NFATC2: variants seen among roughly 807,000 people sequenced by gnomAD.
NFATC2 encodes nuclear factor of activated T-cells, cytoplasmic 2.
Under a neutral mutation model 87.3 loss-of-function variants are expected in NFATC2, and 22 were observed. That is an observed-to-expected ratio of 0.25 (90% CI 0.18 to 0.36). NFATC2 has a LOEUF of 0.36. NFATC2 is among the 10% of genes least tolerant of loss of function. The pLI is 1.00. For synonymous variants in NFATC2, 565 were observed against 542.2 expected (o/e 1.04, Z -0.58); for missense variants, 1,149 against 1,259.1 (o/e 0.91, Z 1.32).
rs1455730776 is a variant in NFATC2 at position 51,516,856 on chromosome 20, G to A, written c.1260C>T (p.His420=). ...TGCCTTCTGTCTCATAGTGGGCCCG[G>A]TGATGTGGCTTGGGCTGCACCTCGA... The part of the protein sequence containing the change: ...LRIEVQPKPH[H]RAHYETEGSR... The change falls in exon 3 of 11, where the codon CAC becomes CAT. Residue 420 remains histidine (H), a synonymous_variant. Transcript: ENST00000371564. 6.2e-7 allele frequency: 1 copy of A among 1,614,064 alleles called. No individual in the cohort carries two copies. The highest frequency in any genetic ancestry group is 2.2e-5 in the East Asian group (1 of 44,898).
At chr20:51,491,912 A>G (rs2075895827) in intron 3 of NFATC2, among the ~76,000 whole-genome samples, 1 of 108,924 alleles carries the variant, frequency 9.2e-6, no homozygotes, top group Non-Finnish European at 1.8e-5. Context: ...ACACACACAC[A>G]CACACACCCC....
At chr20:51,439,557 C>T (rs1359424348) in intron 6 of NFATC2, among the ~76,000 whole-genome samples, 1 of 152,254 alleles carries the variant, frequency 6.6e-6, no homozygotes, top group African/African-American at 2.4e-5. Context: ...CCACATCCCA[C>T]AGCCTCCCCA....
intron 2 of NFATC2, among the ~76,000 whole-genome samples, chr20:51,520,681 A>G (rs981193232): frequency 6.6e-6 from 1 of 151,002 alleles, no homozygotes; most frequent in African/African-American, 2.4e-5. Flanking sequence ...TATTTTTTTG[A>G]GACAATTTTA....
chr20:51,516,895 A>C lies in NFATC2; in HGVS notation c.1221T>G (p.Ser407=). 6.2e-7 allele frequency: 1 copy of C among 1,614,208 alleles called. No homozygotes were observed. Among genetic ancestry groups the C allele is most frequent in the Non-Finnish European group, 8.5e-7 (1 of 1,180,030 alleles). ...GCTGCACCTCGATCCGCAGCTCGTAAGAGCCTGACTGACTGGACAGCGGCC... is the reference window on the plus strand; with the variant it reads ...GCTGCACCTCGATCCGCAGCTCGTACGAGCCTGACTGACTGGACAGCGGCC... ...LEWPLSSQSG[S]YELRIEVQPK... Residue 407 remains serine (S), a synonymous_variant, in exon 3 of 11, where the codon TCT becomes TCG. Coordinates refer to ENST00000371564, the MANE Select transcript of NFATC2 (RefSeq NM_012340.5).
At chr20:51,418,779 C>T (rs773809659) in intron 9 of NFATC2, among the ~76,000 whole-genome samples, 6 of 151,212 alleles carry the variant, frequency 4.0e-5, no homozygotes, top group Non-Finnish European at 7.4e-5. Context: ...TTTCCTGCCT[C>T]AGCTTCCCTA....
At chr20:51,392,834 C>T (rs114335566) in intron 10 of NFATC2, among the ~76,000 whole-genome samples, 549 of 152,306 alleles carry the variant, frequency 3.6e-3, no homozygotes, top group African/African-American at 0.013. Flanking sequence ...CGCTGGAAAA[C>T]CCCTGCCCAG....
chr20:51,488,892 A>G (rs573720730), intron 3 of NFATC2, among the ~76,000 whole-genome samples: 9 of 152,342 alleles, frequency 5.9e-5, no homozygotes, highest in African/African-American at 2.2e-4. Flanking sequence ...CCCAGTGCAT[A>G]AAGAATTACA....
chr20:51,404,159 ATC>A (rs1196868949), intron 9 of NFATC2, among the ~76,000 whole-genome samples: 9 of 152,084 alleles, frequency 5.9e-5, no homozygotes, highest in Admixed American at 3.9e-4. Flanking sequence ...TCAGGCCCAA[ATC>A]TCTGTTTCTT....
chr20:51,559,375 A>C (rs1212843234), intron 1 of NFATC2, among the ~76,000 whole-genome samples: 1 of 152,242 alleles, frequency 6.6e-6, no homozygotes, highest in Non-Finnish European at 1.5e-5. Context: ...TCAGGGAACA[A>C]CGTGGTATTG....
intron 1 of NFATC2, among the ~76,000 whole-genome samples, chr20:51,549,551 G>A (rs760384156): frequency 6.6e-6 from 1 of 152,250 alleles, no homozygotes; most frequent in Non-Finnish European, 1.5e-5. Flanking sequence ...ACCAAGCCTG[G>A]AGTGATCTTG....
chr20:51,515,910 G>A (rs148102273), intron 3 of NFATC2, among the ~76,000 whole-genome samples: 1 of 152,078 alleles, frequency 6.6e-6, no homozygotes, highest in African/African-American at 2.4e-5. Context: ...AGGTTCTGAT[G>A]CACACTATAG....
chr20:51,428,697 G>C (rs1982236006), intron 9 of NFATC2, among the ~76,000 whole-genome samples: 3 of 152,220 alleles, frequency 2.0e-5, no homozygotes, highest in African/African-American at 7.2e-5. Context: ...AAGATGGTTT[G>C]TTTGCACTTG....
intron 6 of NFATC2, among the ~76,000 whole-genome samples, chr20:51,440,447 G>C (rs1284699273): frequency 8.5e-5 from 13 of 152,088 alleles, no homozygotes; most frequent in Non-Finnish European, 1.8e-4. Flanking sequence ...CTGCCTACAG[G>C]TTTGGGCTGG....
rs1383725321 is a variant in NFATC2, at chr20:51,479,279, G to C, written c.1333-3619C>G. The stretch of plus-strand genomic sequence containing the variant: ...ACAGCAGTAGGGACCTTGCTATTTT[G>C]TTAGCATGGTCAATGAACATTTGTT... On this transcript the variant is annotated intron_variant, in intron 3 of 10. Coordinates refer to ENST00000371564, the MANE Select transcript of NFATC2 (RefSeq NM_012340.5). Among the ~76,000 whole-genome samples, 3 of 152,134 alleles carry C rather than the reference G, an allele frequency of 2.0e-5. No homozygotes were observed. The East Asian group carries it at 5.8e-4, about 29-fold the overall frequency.
intron 9 of NFATC2, among the ~76,000 whole-genome samples, chr20:51,408,746 T>C (rs2426303): frequency 0.84 from 127,466 of 152,064 alleles, 53,955 homozygotes; most frequent in East Asian, 0.95. Flanking sequence ...TGGAAGACAC[T>C]ATAGGAGAAT....
At chr20:51,526,908 T>G (rs1225763902) in intron 1 of NFATC2, among the ~76,000 whole-genome samples, 2 of 151,900 alleles carry the variant, frequency 1.3e-5, no homozygotes, top group Non-Finnish European at 2.9e-5. Flanking sequence ...TGTGGTGATT[T>G]TTGTTTTGTT....
intron 3 of NFATC2, among the ~76,000 whole-genome samples, chr20:51,487,487 T>C (rs1157886687): frequency 6.6e-6 from 1 of 152,130 alleles, no homozygotes; most frequent in Non-Finnish European, 1.5e-5. Context: ...TCCCGGAACT[T>C]AAAATAAAAT....
intron 3 of NFATC2, among the ~76,000 whole-genome samples, chr20:51,504,731 C>G (rs188082770): frequency 6.6e-6 from 1 of 152,180 alleles, no homozygotes; most frequent in African/African-American, 2.4e-5. Flanking sequence ...ACAAGTTGCA[C>G]AGCCTCTCTG....
rs201486180 is a variant in NFATC2, at chr20:51,398,724, A to G, written c.2729T>C (p.Ile910Thr). 1.7e-4 allele frequency: 278 copies of G among 1,610,186 alleles called. No individual in the cohort carries two copies. Among genetic ancestry groups the G allele is most frequent in the Non-Finnish European group, 2.2e-4 (261 of 1,177,282 alleles). ...TTGTATCCAGCTAAGGTGTGTGTCT[A>G]TCAGCTCTGAAAAAGATTTGCAAAA... ...LDQTYLDDEL[I>T]DTHLSWIQNI... The change falls in exon 10 of 11, where the codon ATA (isoleucine) becomes ACA (threonine). Residue 910 changes from isoleucine to threonine, a missense_variant. Around this residue, in one of 3 missense-constraint regions of NFATC2, gnomAD observed 581 missense variants for 649.7 expected, o/e 0.89. Transcript: ENST00000371564.
Sources: allele counts gnomAD v4.1 joint callset (sites outside exome capture counted in the v4.1 genomes callset), GRCh38; gene constraint gnomAD v4.1.1; regional missense constraint gnomAD v4.1.1; transcripts MANE v1.5; gene names NCBI Gene and HGNC (gene_info 2026-07-23, HGNC 2026-07-21).